The following ZMYM4 variants were observed in gnomAD, a reference collection of about 807,000 sequenced individuals.
ZMYM4 encodes zinc finger MYM-type protein 4.
Under a neutral mutation model 183.2 loss-of-function variants are expected in ZMYM4, and 31 were observed. That is an observed-to-expected ratio of 0.17 (90% CI 0.13 to 0.23). The LOEUF (loss-of-function observed/expected upper bound fraction) is 0.23. ZMYM4 is among the 10% of genes least tolerant of loss of function. The pLI, the probability that ZMYM4 is intolerant of heterozygous loss-of-function variation, is 1.00. For synonymous variants in ZMYM4, 592 were observed against 631.2 expected (o/e 0.94, Z 0.93); for missense variants, 1,273 against 1,840.3 (o/e 0.69, Z 5.64).
chr1:35,329,549 T>G (rs1642645437), intron 2 of ZMYM4, among the ~76,000 whole-genome samples: 2 of 152,210 alleles, frequency 1.3e-5, no homozygotes, highest in Admixed American at 1.3e-4. Context: ...TAGAATAAGT[T>G]TATTGAACAT....
At chr1:35,317,817 A>G (rs547702839) in intron 1 of ZMYM4, among the ~76,000 whole-genome samples, 2 of 152,324 alleles carry the variant, frequency 1.3e-5, no homozygotes, top group Admixed American at 6.5e-5. Flanking sequence ...AATGAAAGAC[A>G]TAGGATCTTC....
chr1:35,285,333 G>A (rs998011446), intron 1 of ZMYM4, among the ~76,000 whole-genome samples: 1 of 151,698 alleles, frequency 6.6e-6, no homozygotes, highest in Non-Finnish European at 1.5e-5. Flanking sequence ...ATTTATTTTG[G>A]TCTTCTTTTA....
At chr1:35,272,718 G>A (rs559542571) in intron 1 of ZMYM4, among the ~76,000 whole-genome samples, 1 of 152,004 alleles carries the variant, frequency 6.6e-6, no homozygotes, top group South Asian at 2.1e-4. Context: ...ATTTTTTGTT[G>A]TTGTTTTTGA....
intron 1 of ZMYM4, among the ~76,000 whole-genome samples, chr1:35,276,796 A>G (rs1201750541): frequency 6.6e-6 from 1 of 152,038 alleles, no homozygotes; most frequent in Non-Finnish European, 1.5e-5. Context: ...TAGTAGCGAC[A>G]GGGTTTTGCC....
chr1:35,367,792 A>G (rs1644122648), intron 5 of ZMYM4, among the ~76,000 whole-genome samples: 1 of 151,958 alleles, frequency 6.6e-6, no homozygotes, highest in Admixed American at 6.6e-5. Context: ...CCTGGCCAAC[A>G]TGTTGAAACC....
intron 9 of ZMYM4, among the ~76,000 whole-genome samples, chr1:35,383,377 G>A (rs907253297): frequency 1.3e-5 from 2 of 152,002 alleles, no homozygotes; most frequent in African/African-American, 4.8e-5. Flanking sequence ...GTAAGTTTTT[G>A]TACAGTTTAC....
chr1:35,325,488 T>G, intron 2 of ZMYM4, 83 bp downstream of exon 2: 4 of 1,384,330 alleles, frequency 2.9e-6, no homozygotes, highest in Non-Finnish European at 4.0e-6. Context: ...ACTATTACAG[T>G]GTTTAGTTAG....
intron 2 of ZMYM4, among the ~76,000 whole-genome samples, chr1:35,352,267 GCGCA>G (rs58350243): frequency 0.036 from 2,850 of 78,246 alleles, 119 homozygotes; most frequent in African/African-American, 0.086. Context: ...GCACGCGCGC[GCGCA>G]CACACACACA....
At chr1:35,336,489 C>T (rs916783597) in intron 2 of ZMYM4, among the ~76,000 whole-genome samples, 5 of 151,720 alleles carry the variant, frequency 3.3e-5, no homozygotes, top group Non-Finnish European at 7.4e-5. Context: ...CAGGTTCAAG[C>T]GATTCTCCTG....
chr1:35,353,432 G>A (rs1483390943), intron 2 of ZMYM4, among the ~76,000 whole-genome samples: 1 of 152,166 alleles, frequency 6.6e-6, no homozygotes, highest in Non-Finnish European at 1.5e-5. Context: ...ATACATTGCA[G>A]TTTTTTCCTG....
At chr1:35,302,914 G>A (rs1231196790) in intron 1 of ZMYM4, among the ~76,000 whole-genome samples, 13 of 151,508 alleles carry the variant, frequency 8.6e-5, no homozygotes, top group African/African-American at 2.9e-4. Flanking sequence ...CTGGAGGTGG[G>A]AGGATTGCTT....
intron 25 of ZMYM4, among the ~76,000 whole-genome samples, chr1:35,405,767 T>G (rs1558185283): frequency 3.5e-5 from 1 of 28,524 alleles, no homozygotes; most frequent in Non-Finnish European, 6.5e-5. Flanking sequence ...AGTTTTTTTT[T>G]TGTTTTTTTT....
chr1:35,283,727 A>G (rs868266700), intron 1 of ZMYM4, among the ~76,000 whole-genome samples: 7 of 151,960 alleles, frequency 4.6e-5, no homozygotes, highest in Non-Finnish European at 8.8e-5. Context: ...GGCCTTTTGT[A>G]TATGTTCTCT....
intron 1 of ZMYM4, among the ~76,000 whole-genome samples, chr1:35,294,359 T>G (rs1050213687): frequency 1.3e-5 from 2 of 152,152 alleles, no homozygotes; most frequent in African/African-American, 4.8e-5. Context: ...TAAAATTAAT[T>G]AAAATTAATA....
intron 25 of ZMYM4, 85 bp downstream of exon 25, chr1:35,405,553 T>C: frequency 9.1e-7 from 1 of 1,101,238 alleles, no homozygotes. Context: ...TTTAAAATTA[T>C]TTAAAATTTA....
intron 5 of ZMYM4, among the ~76,000 whole-genome samples, chr1:35,368,788 T>C (rs1644145985): frequency 6.6e-6 from 1 of 152,184 alleles, no homozygotes; most frequent in Non-Finnish European, 1.5e-5. Flanking sequence ...AAACATTAAA[T>C]GGACCAACAT....
chr1:35,396,010 A>G (rs895656614), intron 18 of ZMYM4, among the ~76,000 whole-genome samples: 26 of 152,134 alleles, frequency 1.7e-4, no homozygotes, highest in African/African-American at 5.8e-4. Context: ...TTTTGTAGGT[A>G]TCATAACCTA....
At chr1:35,410,658 T>A (rs1461981501) in intron 26 of ZMYM4, among the ~76,000 whole-genome samples, 1 of 150,218 alleles carries the variant, frequency 6.7e-6, no homozygotes, top group Non-Finnish European at 1.5e-5. Flanking sequence ...CTGGCTCATT[T>A]TTTTTTTTTT....
At chr1:35,406,280 G>C (rs1645001680) in intron 25 of ZMYM4, among the ~76,000 whole-genome samples, 1 of 152,156 alleles carries the variant, frequency 6.6e-6, no homozygotes, top group Admixed American at 6.5e-5. Context: ...AATGTAATCT[G>C]TCTGCTCCAA....
Sources: allele counts gnomAD v4.1 joint callset (sites outside exome capture counted in the v4.1 genomes callset), GRCh38; gene constraint gnomAD v4.1.1; transcripts MANE v1.5; gene names NCBI Gene and HGNC (gene_info 2026-07-23, HGNC 2026-07-21).